The following NHSL1 variants were observed in gnomAD, a reference collection of about 807,000 sequenced individuals.
NHSL1 encodes the protein NHS-like protein 1.
NHSL1 carries 48 observed loss-of-function variants against 95.0 expected under a neutral mutation model. The ratio of observed to expected loss-of-function variants is 0.51; its 90% CI spans 0.40 to 0.64. NHSL1 has a LOEUF of 0.64. Ranked by LOEUF, NHSL1 falls within the 30% of genes least tolerant of loss-of-function variation. The probability of loss-of-function intolerance (pLI) is 0.00; values close to 1 mark genes in which losing one functional copy is unlikely to be tolerated. For synonymous variants in NHSL1, 783 were observed against 833.9 expected (o/e 0.94, Z 1.05); for missense variants, 1,971 against 2,077.7 (o/e 0.95, Z 1.00).
chr6:138,616,116 A>T (rs1784575237), intron 1 of NHSL1, among the ~76,000 whole-genome samples: 1 of 152,222 alleles, frequency 6.6e-6, no homozygotes, highest in South Asian at 2.1e-4. Context: ...TAATAAATCT[A>T]TTCTGATTTG....
intron 1 of NHSL1, among the ~76,000 whole-genome samples, chr6:138,662,346 T>C (rs1393897282): frequency 6.6e-6 from 1 of 152,204 alleles, no homozygotes; most frequent in Non-Finnish European, 1.5e-5. Context: ...ACCTATAATA[T>C]TACTCTTTTA....
At chr6:138,616,546 G>C (rs1784580876) in intron 1 of NHSL1, among the ~76,000 whole-genome samples, 1 of 151,968 alleles carries the variant, frequency 6.6e-6, no homozygotes, top group South Asian at 2.1e-4. Context: ...GAGAGAGAGA[G>C]AGCAAGTGAG....
At chr6:138,520,047 A>G (rs79977535) in intron 1 of NHSL1, among the ~76,000 whole-genome samples, 7,640 of 152,160 alleles carry the variant, frequency 0.05, 216 homozygotes, top group African/African-American at 0.077. Flanking sequence ...TATACAATTC[A>G]TTATTGCCCA....
chr6:138,523,256 G>A (rs1413456913), intron 1 of NHSL1, among the ~76,000 whole-genome samples: 1 of 152,126 alleles, frequency 6.6e-6, no homozygotes, highest in African/African-American at 2.4e-5. Context: ...GGGGACAGAA[G>A]GGGAGCCAGA....
intron 1 of NHSL1, among the ~76,000 whole-genome samples, chr6:138,628,971 G>A (rs1202266173): frequency 6.6e-6 from 1 of 152,174 alleles, no homozygotes; most frequent in Non-Finnish European, 1.5e-5. Context: ...TGACAAGACT[G>A]AGAAGAAAAC....
chr6:138,508,070 A>G (rs1237060810), intron 1 of NHSL1, among the ~76,000 whole-genome samples: 1 of 152,234 alleles, frequency 6.6e-6, no homozygotes, highest in Non-Finnish European at 1.5e-5. Context: ...GGCTTGGTCA[A>G]TTTCTAAACA....
chr6:138,668,631 T>TC (rs1785325701), intron 1 of NHSL1, among the ~76,000 whole-genome samples: 2 of 149,510 alleles, frequency 1.3e-5, no homozygotes, highest in African/African-American at 2.4e-5. Context: ...TTTTTCTTTT[T>TC]TTTTTTTTTT....
intron 1 of NHSL1, among the ~76,000 whole-genome samples, chr6:138,528,863 GTA>G (rs1488770649): frequency 6.6e-6 from 1 of 152,116 alleles, no homozygotes; most frequent in African/African-American, 2.4e-5. Context: ...AACAAGATTA[GTA>G]TGTTTCCAGT....
intron 1 of NHSL1, among the ~76,000 whole-genome samples, chr6:138,668,713 C>T (rs889775508): frequency 1.3e-5 from 2 of 151,086 alleles, no homozygotes; most frequent in Admixed American, 1.3e-4. Flanking sequence ...CAACCTCCGC[C>T]TCCCGGGTTA....
intron 1 of NHSL1, among the ~76,000 whole-genome samples, chr6:138,591,371 T>G (rs1219720192): frequency 1.3e-5 from 2 of 152,212 alleles, no homozygotes; most frequent in Non-Finnish European, 2.9e-5. Context: ...TCTAAAACAT[T>G]AAATGAAAAA....
chr6:138,594,722 C>T (rs964719557), intron 1 of NHSL1, among the ~76,000 whole-genome samples: 1 of 152,000 alleles, frequency 6.6e-6, no homozygotes, highest in Non-Finnish European at 1.5e-5. Context: ...TTGACACTGA[C>T]AAGGAAAGGG....
At chr6:138,437,445 CAAAAAAAAAAAAAA>C (rs1202687511) in intron 5 of NHSL1, among the ~76,000 whole-genome samples, 9 of 61,808 alleles carry the variant, frequency 1.5e-4, no homozygotes, top group African/African-American at 4.4e-4. Flanking sequence ...CACACACACA[CAAAAAAAAAAAAAA>C]AAAATACAAT....
intron 1 of NHSL1, among the ~76,000 whole-genome samples, chr6:138,597,536 A>G (rs2114547073): frequency 6.6e-6 from 1 of 152,240 alleles, no homozygotes; most frequent in African/African-American, 2.4e-5. Context: ...TGGTTATTCT[A>G]GTGTAGACTC....
At chr6:138,556,827 T>C (rs911462742) in intron 1 of NHSL1, among the ~76,000 whole-genome samples, 11 of 152,288 alleles carry the variant, frequency 7.2e-5, no homozygotes, top group South Asian at 2.1e-4. Flanking sequence ...ACCTTCACTA[T>C]TTCTTGACTT....
chr6:138,502,379 G>A (rs1005525482), upstream of NHSL1, among the ~76,000 whole-genome samples: 2 of 151,948 alleles, frequency 1.3e-5, no homozygotes, highest in African/African-American at 4.8e-5. Flanking sequence ...GTATTCTTCT[G>A]GAACTGTATT....
intron 5 of NHSL1, among the ~76,000 whole-genome samples, chr6:138,435,589 AC>A (rs1391445009): frequency 6.6e-6 from 1 of 152,232 alleles, no homozygotes; most frequent in Non-Finnish European, 1.5e-5. Context: ...TATTCCCAAA[AC>A]AGACCCTCCA....
Position 138,648,159 on chromosome 6 carries a change from TACAC to T in NHSL1, c.96+44313_96+44316del, listed in dbSNP as rs367798690. The stretch of plus-strand genomic sequence containing the variant: ...ATATATATTTTACTTTTCCAGACCG[TACAC>T]ACACACACAGTTGCTAAGCAGTTAT... On this transcript the variant is annotated intron_variant, in intron 1 of 3. Coordinates refer to the NHSL1 transcript ENST00000491526. 7.3e-5 allele frequency among the ~76,000 whole-genome samples: 11 copies of T among 151,694 alleles called. No homozygotes were observed. In the East Asian group the frequency reaches 2.1e-3, roughly 29 times the overall value.
At chr6:138,595,315 C>T (rs112558097) in intron 1 of NHSL1, among the ~76,000 whole-genome samples, 6,450 of 152,172 alleles carry the variant, frequency 0.042, 406 homozygotes, top group African/African-American at 0.14. Context: ...GGCTCATGCC[C>T]GTAATCCTAG....
chr6:138,665,502 T>C (rs1160210770), intron 1 of NHSL1, among the ~76,000 whole-genome samples: 2 of 152,212 alleles, frequency 1.3e-5, no homozygotes, highest in Non-Finnish European at 2.9e-5. Flanking sequence ...GTTCAGCCTG[T>C]CCTTTGCACT....
Sources: gnomAD v4.1 joint callset for allele counts (sites outside exome capture counted in the v4.1 genomes callset) on GRCh38, gnomAD v4.1.1 for gene constraint, MANE v1.5 for transcripts, NCBI Gene and HGNC (gene_info 2026-07-23, HGNC 2026-07-21) for gene names.